Variants in TRHDE observed in about 807,000 individuals in gnomAD.
The protein encoded by TRHDE is thyrotropin releasing hormone degrading enzyme.
Under a neutral mutation model 125.7 loss-of-function variants are expected in TRHDE, and 72 were observed. The ratio of observed to expected loss-of-function variants is 0.57; its 90% CI spans 0.47 to 0.70. The LOEUF is 0.70. TRHDE is among the 30% of genes least tolerant of loss of function. The pLI is 0.00. For synonymous variants in TRHDE, 509 were observed against 509.1 expected, an observed-to-expected ratio of 1.00 and a Z score of 0.00; for missense variants, 1,110 against 1,327.1, an observed-to-expected ratio of 0.84 and a Z score of 2.54.
intron 15 of TRHDE, among the ~76,000 whole-genome samples, chr12:72,627,757 T>TCA (rs1355237303): frequency 6.6e-6 from 1 of 151,624 alleles, no homozygotes; most frequent in Non-Finnish European, 1.5e-5. Flanking sequence ...ATAAGTTACT[T>TCA]CACCCTCAAA....
intron 2 of TRHDE, among the ~76,000 whole-genome samples, chr12:72,325,700 C>G (rs953953249): frequency 2.0e-5 from 3 of 152,088 alleles, no homozygotes; most frequent in African/African-American, 4.8e-5. Flanking sequence ...ATGTTGAGCA[C>G]CGTGGTTAAA....
chr12:72,551,036 A>G (rs1413347119), intron 7 of TRHDE, among the ~76,000 whole-genome samples: 1 of 152,002 alleles, frequency 6.6e-6, no homozygotes, highest in African/African-American at 2.4e-5. Context: ...ATGCATTAAA[A>G]TTGAGGTCTT....
intron 2 of TRHDE, among the ~76,000 whole-genome samples, chr12:72,160,968 C>A (rs1876624003): frequency 6.6e-6 from 1 of 152,072 alleles, no homozygotes; most frequent in South Asian, 2.1e-4. Flanking sequence ...TTCATATATT[C>A]AATACCAGAG....
chr12:72,416,557 A>G (rs1873740573), intron 3 of TRHDE, among the ~76,000 whole-genome samples: 1 of 152,104 alleles, frequency 6.6e-6, no homozygotes, highest in Non-Finnish European at 1.5e-5. Context: ...ACATCTGTGT[A>G]TGGTGAGAGA....
chr12:72,134,843 G>C (rs1455575766), intron 2 of TRHDE, among the ~76,000 whole-genome samples: 2 of 152,114 alleles, frequency 1.3e-5, no homozygotes, highest in African/African-American at 4.8e-5. Flanking sequence ...CAATTTGATT[G>C]TGTAATTTGC....
At chr12:72,304,406 G>A (rs911338642) in intron 2 of TRHDE, among the ~76,000 whole-genome samples, 3 of 152,162 alleles carry the variant, frequency 2.0e-5, no homozygotes, top group South Asian at 2.1e-4. Context: ...AACATTTTGA[G>A]CTTATAGTTC....
intron 5 of TRHDE, among the ~76,000 whole-genome samples, chr12:72,476,171 C>A (rs1483373860): frequency 6.6e-6 from 1 of 152,174 alleles, no homozygotes; most frequent in Admixed American, 6.5e-5. Flanking sequence ...CCTGCGACAG[C>A]CTGCCAAAGT....
intron 4 of TRHDE, among the ~76,000 whole-genome samples, chr12:72,470,599 T>C (rs1876594900): frequency 6.6e-6 from 1 of 152,156 alleles, no homozygotes; most frequent in Admixed American, 6.6e-5. Flanking sequence ...AAAATAGACG[T>C]CCATGCCAAT....
At chr12:72,505,365 C>T (rs1409994003) in intron 6 of TRHDE, among the ~76,000 whole-genome samples, 1 of 152,026 alleles carries the variant, frequency 6.6e-6, no homozygotes, top group Non-Finnish European at 1.5e-5. Context: ...TGTCCATAGA[C>T]AGGAAGGACT....
In TRHDE at chr12:72,238,275, AATATAT is replaced by A. The variant is rs71071820; in HGVS notation, n.279+132565_279+132570del. ...AGTGGTCAGAAGTGGTCAGATCCTT[AATATAT>A]ATATATATATATATATATATATATA... On this transcript the variant is annotated intron_variant and non_coding_transcript_variant, in intron 2 of 4. Transcript: ENST00000548156. Among the ~76,000 whole-genome samples, 267 of 38,164 alleles carry A rather than the reference AATATAT, an allele frequency of 7.0e-3. 2 individuals are homozygous for A. Among genetic ancestry groups the A allele is most frequent in the African/African-American group, 0.011 (81 of 7,334 alleles). The allele number at this position is 38,164 out of a possible 152,430, so 25.0% of individuals were successfully genotyped here.
rs1405653940 is a variant in TRHDE at position 72,669,223 on chromosome 12, G to A, written c.*6028G>A. ...TTAAACTTCTGTCTTTGCATGTGGA[G>A]GAGACATATTAGTCTAGCCAGAACT... On this transcript the variant is annotated 3_prime_UTR_variant, in exon 19 of 19. Coordinates refer to ENST00000261180, the MANE Select transcript of TRHDE (RefSeq NM_013381.3). 5 of 151,760 alleles carry A rather than the reference G, an allele frequency of 3.3e-5. No individual in the cohort carries two copies. Among genetic ancestry groups the A allele is most frequent in the African/African-American group, 1.2e-4 (5 of 41,378 alleles). The allele number at this position is 151,760 out of a possible 1,614,324, so 9.4% of individuals were successfully genotyped here. A position where few individuals can be genotyped will look rare whatever the true frequency, so the allele number is the denominator to read the frequency against.
intron 3 of TRHDE, among the ~76,000 whole-genome samples, chr12:72,451,073 G>T (rs12301142): frequency 0.098 from 14,860 of 151,830 alleles, 907 homozygotes; most frequent in African/African-American, 0.16. Context: ...ATTTTCTCCC[G>T]TTCTTTACTT....
intron 6 of TRHDE, among the ~76,000 whole-genome samples, chr12:72,513,010 A>G (rs1444056642): frequency 6.6e-6 from 1 of 152,114 alleles, no homozygotes; most frequent in Admixed American, 6.6e-5. Context: ...TAATCAGCAT[A>G]ACCACACACC....
At chr12:72,389,782 A>G (rs1872556590) in intron 3 of TRHDE, among the ~76,000 whole-genome samples, 1 of 152,194 alleles carries the variant, frequency 6.6e-6, no homozygotes, top group Admixed American at 6.5e-5. Context: ...AATTCAGTAC[A>G]TAGCAGGCAA....
chr12:72,603,585 C>T (rs1004273529), intron 12 of TRHDE, among the ~76,000 whole-genome samples: 2 of 151,748 alleles, frequency 1.3e-5, no homozygotes, highest in African/African-American at 2.4e-5. Context: ...ATTAGCCGGG[C>T]GTGGTGGCAG....
At chr12:72,096,672 A>C (rs1325250074) in intron 1 of TRHDE, among the ~76,000 whole-genome samples, 1 of 152,164 alleles carries the variant, frequency 6.6e-6, no homozygotes, top group Non-Finnish European at 1.5e-5. Flanking sequence ...TTTTTGTACT[A>C]GTTAGAGCAC....
chr12:72,229,557 T>C (rs944973399), intron 2 of TRHDE, among the ~76,000 whole-genome samples: 2 of 152,212 alleles, frequency 1.3e-5, no homozygotes, highest in Non-Finnish European at 2.9e-5. Flanking sequence ...CATGGGCTGA[T>C]ACAGAACAGA....
intron 12 of TRHDE, among the ~76,000 whole-genome samples, chr12:72,608,790 C>T (rs978259860): frequency 1.3e-5 from 2 of 152,266 alleles, no homozygotes; most frequent in Non-Finnish European, 2.9e-5. Flanking sequence ...TTTTCTTTTA[C>T]TAGAACATGG....
chr12:72,208,442 A>G (rs926001515), intron 2 of TRHDE, among the ~76,000 whole-genome samples: 10 of 152,198 alleles, frequency 6.6e-5, no homozygotes, highest in African/African-American at 2.4e-4. Context: ...AACAGGTTAG[A>G]TAGGGAAATG....
Sources: gnomAD v4.1 joint callset for allele counts (sites outside exome capture counted in the v4.1 genomes callset) on GRCh38, gnomAD v4.1.1 for gene constraint, MANE v1.5 for transcripts, NCBI Gene and HGNC (gene_info 2026-07-23, HGNC 2026-07-21) for gene names.